Variants in ANKRD26 observed in about 807,000 individuals in gnomAD.
ANKRD26 encodes ankyrin repeat domain-containing protein 26.
ANKRD26 carries 141 observed loss-of-function variants against 208.7 expected under a neutral mutation model. The observed-to-expected ratio is 0.68, with a 90% confidence interval of 0.59 to 0.78. The LOEUF (loss-of-function observed/expected upper bound fraction) is 0.78, where lower values mean the gene tolerates loss of function less well. Ranked by LOEUF, ANKRD26 falls within the 30% of genes least tolerant of loss-of-function variation. The pLI, the probability that ANKRD26 is intolerant of heterozygous loss-of-function variation, is 0.00. For missense variants in ANKRD26, 1,889 were observed against 1,938.7 expected, an observed-to-expected ratio of 0.97 and a Z score of 0.48; for synonymous variants, 636 against 660.4, an observed-to-expected ratio of 0.96 and a Z score of 0.57.
Position 27,033,328 on chromosome 10 carries a change from T to G in ANKRD26, c.3704A>C (p.Gln1235Pro). Residue 1235 changes from glutamine (Q) to proline (P), a missense_variant, in exon 25 of 34, where the codon CAA (glutamine) becomes CCA (proline). Physicochemically the swap from Gln to Pro is moderately conservative, Grantham distance 76. Around this residue, in one of 3 missense-constraint regions of ANKRD26, gnomAD observed 613 missense variants for 648.2 expected, o/e 0.95. Transcript: ENST00000376087. ...QQELADTLKK[Q>P]SMSEASLEVT... ...CTCCAGTGAAGCCTCTGACATAGAT[T>G]GTTTTTTTAGGGTATCAGCTAGTTC... 1 of 1,612,238 alleles carries G rather than the reference T, an allele frequency of 6.2e-7. No individual in the cohort carries two copies. The highest frequency in any genetic ancestry group is 8.5e-7 in the Non-Finnish European group (1 of 1,178,738).
chr10:27,008,354 A>C (rs1366686730), intron 32 of ANKRD26, among the ~76,000 whole-genome samples: 1 of 152,052 alleles, frequency 6.6e-6, no homozygotes, highest in Non-Finnish European at 1.5e-5. Flanking sequence ...TACAATGAAT[A>C]ATGTGACAAT....
chr10:26,988,532 G>A (rs1003736373), downstream of ANKRD26, among the ~76,000 whole-genome samples: 12 of 152,046 alleles, frequency 7.9e-5, no homozygotes, highest in African/African-American at 2.7e-4. Flanking sequence ...GACTTTCCAC[G>A]CACCTTTGAG....
intron 4 of ANKRD26, among the ~76,000 whole-genome samples, chr10:26,982,646 G>A (rs2052325526): frequency 6.6e-6 from 1 of 151,880 alleles, no homozygotes; most frequent in East Asian, 1.9e-4. Flanking sequence ...AAAACAATAT[G>A]TATGTGGAGC....
chr10:26,998,599 G>A (rs2052649199), intron 4 of ANKRD26, among the ~76,000 whole-genome samples: 1 of 152,212 alleles, frequency 6.6e-6, no homozygotes, highest in Admixed American at 6.5e-5. Context: ...AACCCAATTG[G>A]ATCTTTATGG....
chr10:26,948,534 T>G, the ANKRD26 span, among the ~76,000 whole-genome samples: 1 of 152,258 alleles, frequency 6.6e-6, no homozygotes, highest in Admixed American at 6.5e-5. Context: ...CCTCATTTGG[T>G]AATAATGATT....
chr10:26,972,097 T>C (rs377249068), downstream of ANKRD26, among the ~76,000 whole-genome samples: 590 of 151,926 alleles, frequency 3.9e-3, 3 homozygotes, highest in Non-Finnish European at 6.2e-3. Context: ...TAGCCAGGCG[T>C]GGTGGCGGGC....
At position 27,014,478 on chromosome 10, in the gene ANKRD26, C is replaced by T. The variant is rs1356716942; in HGVS notation, c.4724+16G>A. On this transcript the variant is annotated intron_variant, in intron 31 of 33. Coordinates refer to ENST00000376087, the MANE Select transcript of ANKRD26 (RefSeq NM_014915.3). The stretch of plus-strand genomic sequence containing the variant: ...TGAGCTTAATTTATTTCCTATGATT[C>T]TATATTTTGACTTACTTGGTTAGTT... 6.6e-7 allele frequency: 1 copy of T among 1,507,252 alleles called. No homozygotes were observed. Among genetic ancestry groups the T allele is most frequent in the Admixed American group, 1.7e-5 (1 of 58,154 alleles). The allele number at this position is 1,507,252 out of a possible 1,614,324, so 93.4% of individuals were successfully genotyped here. A position where few individuals can be genotyped will look rare whatever the true frequency, so the allele number is the denominator to read the frequency against.
chr10:27,018,144 T>A (rs948914203), intron 29 of ANKRD26, among the ~76,000 whole-genome samples: 1 of 145,926 alleles, frequency 6.9e-6, no homozygotes, highest in Non-Finnish European at 1.5e-5. Context: ...CCCTATAATT[T>A]TTTTTTTTTT....
chr10:27,078,414 T>C (rs1221887825), intron 7 of ANKRD26, among the ~76,000 whole-genome samples: 2 of 151,956 alleles, frequency 1.3e-5, no homozygotes, highest in African/African-American at 4.8e-5. Context: ...TAGGCTGAGA[T>C]AAATCATTTT....
chr10:27,035,697 T>G lies in ANKRD26; in HGVS notation c.2753A>C (p.Gln918Pro). Residue 918 changes from glutamine (Q) to proline (P), a missense_variant, in exon 24 of 34, where the codon CAG becomes CCG. By Grantham distance (76) the Gln-to-Pro change is moderately conservative (BLOSUM62 -1). Transcript: ENST00000376087. ...KDLSHKNSML[Q>P]EEIAMLRLEI... ...TAGTCTTAGCATAGCAATTTCTTCC[T>G]GCAACATGCTATTTTTATGCGATAG... The G allele has an allele frequency of 6.2e-7, 1 of 1,604,226 alleles. No homozygotes were observed. The highest frequency in any genetic ancestry group is 8.5e-7 in the Non-Finnish European group (1 of 1,176,950).
At chr10:26,989,230 G>C (rs2052444110), downstream of ANKRD26, among the ~76,000 whole-genome samples, 1 of 152,068 alleles carries the variant, frequency 6.6e-6, no homozygotes, top group Non-Finnish European at 1.5e-5. Flanking sequence ...TGAATTTTGG[G>C]GGGGACTAAA....
chr10:27,037,203 T>C lies in ANKRD26; in HGVS notation c.2680A>G (p.Lys894Glu), dbSNP rs200788967. The change falls in exon 23 of 34, where the codon AAG (lysine) becomes GAG (glutamate). Residue 894 changes from lysine to glutamate, a missense_variant. Lys to Glu is a moderately conservative substitution (Grantham distance 56). Around this residue, in one of 3 missense-constraint regions of ANKRD26, gnomAD observed 1,272 missense variants for 1,273.8 expected, o/e 1.00. Coordinates refer to ENST00000376087, the MANE Select transcript of ANKRD26 (RefSeq NM_014915.3). ...SKQKEIEMAQ[K>E]KMNSENSHSH... ...AGAAATACCTCAGAATTCATTTTCT[T>C]TTGAGCCATTTCAATCTCCTTTTGT... 7 of 1,613,664 alleles carry C rather than the reference T, an allele frequency of 4.3e-6. No individual in the cohort carries two copies. In the African/African-American group the frequency reaches 9.3e-5, roughly 22 times the overall value.
downstream of ANKRD26, among the ~76,000 whole-genome samples, chr10:26,989,228 G>T (rs542910223): frequency 2.0e-5 from 3 of 152,080 alleles, no homozygotes; most frequent in Admixed American, 2.0e-4. Flanking sequence ...TATGAATTTT[G>T]GGGGGGACTA....
intron 1 of ANKRD26, among the ~76,000 whole-genome samples, chr10:27,095,428 G>A (rs7909684): frequency 0.5 from 76,017 of 152,160 alleles, 21,828 homozygotes; most frequent in Non-Finnish European, 0.65. Flanking sequence ...AACACTTTGG[G>A]AAGCCAAGGC....
At chr10:27,055,963 A>G (rs113317796) in intron 15 of ANKRD26, among the ~76,000 whole-genome samples, 1,888 of 152,250 alleles carry the variant, frequency 0.012, 42 homozygotes, top group African/African-American at 0.042. Context: ...TTTTCCATCC[A>G]GTCCCAAAAC....
At chr10:27,066,894 G>A (rs1307449977) in intron 10 of ANKRD26, among the ~76,000 whole-genome samples, 1 of 151,364 alleles carries the variant, frequency 6.6e-6, no homozygotes, top group African/African-American at 2.4e-5. Flanking sequence ...TGCAACTTCT[G>A]TCTCCCAGGT....
At chr10:26,983,203 G>C (rs1338290480) in intron 3 of ANKRD26, among the ~76,000 whole-genome samples, 2 of 152,136 alleles carry the variant, frequency 1.3e-5, no homozygotes, top group African/African-American at 4.8e-5. Flanking sequence ...ATATGCCATA[G>C]AACATCTTTA....
intron 15 of ANKRD26, 122 bp downstream of exon 15, chr10:27,060,223 A>G: frequency 9.9e-7 from 1 of 1,012,292 alleles, no homozygotes; most frequent in South Asian, 1.5e-5. Context: ...AAATTTTTTT[A>G]AATCCTTCCA....
chr10:26,986,097 C>G (rs1047901322), intron 3 of ANKRD26, among the ~76,000 whole-genome samples: 4 of 152,062 alleles, frequency 2.6e-5, no homozygotes, highest in African/African-American at 9.7e-5. Flanking sequence ...ACCAATGGAA[C>G]AGAACAGAGC....
Sources: gnomAD v4.1 joint callset for allele counts (sites outside exome capture counted in the v4.1 genomes callset) on GRCh38, gnomAD v4.1.1 for gene constraint, gnomAD v4.1.1 regional missense constraint, MANE v1.5 for transcripts, NCBI Gene and HGNC (gene_info 2026-07-23, HGNC 2026-07-21) for gene names.